DSCAML1: variants seen among roughly 807,000 people sequenced by gnomAD.
DSCAML1 encodes cell adhesion molecule DSCAML1.
DSCAML1 carries 38 observed loss-of-function variants against 200.5 expected under a neutral mutation model. That is an observed-to-expected ratio of 0.19 (90% confidence interval 0.15 to 0.25). The LOEUF (loss-of-function observed/expected upper bound fraction) is 0.25, where lower values mean the gene tolerates loss of function less well. DSCAML1 is among the 10% of genes least tolerant of loss of function. DSCAML1 has a pLI of 1.00. For synonymous variants in DSCAML1, 1,215 were observed against 1,165.0 expected (o/e 1.04, Z -0.87); for missense variants, 2,223 against 2,858.8 (o/e 0.78, Z 5.07).
intron 6 of DSCAML1, among the ~76,000 whole-genome samples, 189 bp downstream of exon 6, chr11:117,520,941 A>C (rs2049874549): frequency 6.6e-6 from 1 of 152,160 alleles, no homozygotes; most frequent in African/African-American, 2.4e-5. Context: ...AAAAAGGAAA[A>C]AAGATTAAAA....
At chr11:117,781,800 C>T (rs1338977085) in intron 1 of DSCAML1, among the ~76,000 whole-genome samples, 1 of 152,246 alleles carries the variant, frequency 6.6e-6, no homozygotes, top group Non-Finnish European at 1.5e-5. Context: ...CCCTCAACCA[C>T]ATGGGAGAAT....
chr11:117,520,854 A>G (rs937723981), intron 6 of DSCAML1, among the ~76,000 whole-genome samples: 3 of 152,106 alleles, frequency 2.0e-5, no homozygotes, highest in Non-Finnish European at 4.4e-5. Context: ...TGCTTGAGCC[A>G]GGGAGGTTGA....
At chr11:117,477,487 G>A (rs1003978214) in intron 14 of DSCAML1, among the ~76,000 whole-genome samples, 1 of 151,506 alleles carries the variant, frequency 6.6e-6, no homozygotes, top group African/African-American at 2.4e-5. Context: ...TCTACCACAT[G>A]GCTGGTGCAT....
intron 3 of DSCAML1, among the ~76,000 whole-genome samples, chr11:117,534,505 T>C (rs1347659469): frequency 6.6e-6 from 1 of 152,230 alleles, no homozygotes; most frequent in East Asian, 1.9e-4. Context: ...GGTGCCCCGC[T>C]GAACCAGCCG....
At chr11:117,632,481 GC>G (rs1447368706) in intron 3 of DSCAML1, among the ~76,000 whole-genome samples, 2 of 152,106 alleles carry the variant, frequency 1.3e-5, no homozygotes, top group African/African-American at 4.8e-5. Context: ...TGAGTTTCCT[GC>G]CCCTCCCACC....
Position 117,516,086 on chromosome 11 carries a change from C to T in DSCAML1, c.1783+381G>A, listed in dbSNP as rs1371131244. Reference sequence around the variant, plus strand: ...AACCCTGGCCTCCTGTTGCTTGTGGCCTCCTTGTGTGGGCCCGCTGAGCTC... The same window carrying T: ...AACCCTGGCCTCCTGTTGCTTGTGGTCTCCTTGTGTGGGCCCGCTGAGCTC... On this transcript the variant is annotated intron_variant, in intron 8 of 32. Transcript: ENST00000651296. The surrounding 1 kb of genome is among the most constrained non-coding windows in gnomAD (Gnocchi z 5.7). Among the ~76,000 whole-genome samples, 1 of 152,160 alleles carries T rather than the reference C, an allele frequency of 6.6e-6. No individual in the cohort carries two copies. Among genetic ancestry groups the T allele is most frequent in the Non-Finnish European group, 1.5e-5 (1 of 68,028 alleles).
chr11:117,428,193 G>C lies in DSCAML1; in HGVS notation c.*135C>G. 1.6e-6 allele frequency: 1 copy of C among 638,658 alleles called. No homozygotes were observed. The highest frequency in any genetic ancestry group is 2.8e-6 in the Non-Finnish European group (1 of 355,484). The allele number at this position is 638,658 out of a possible 1,614,324, so 39.6% of individuals were successfully genotyped here. ...AAGAGTTCTATGTACAGGCGTTCATGATTGGGGGTTTTTGTTTTGTCGTTG... is the reference window on the plus strand; with the variant it reads ...AAGAGTTCTATGTACAGGCGTTCATCATTGGGGGTTTTTGTTTTGTCGTTG... On this transcript the variant is annotated 3_prime_UTR_variant, in exon 33 of 33. Transcript: ENST00000651296.
In DSCAML1 at chr11:117,642,410, C is replaced by A. The variant is rs2052429753; in HGVS notation, c.512-109888G>T. On this transcript the variant is annotated intron_variant, in intron 3 of 32. Coordinates refer to ENST00000651296, the MANE Select transcript of DSCAML1 (RefSeq NM_020693.4). The surrounding 1 kb of genome is among the most constrained non-coding windows in gnomAD (Gnocchi z 4.1). ...GGTCTGTGTATAAGTCTGACACCCA[C>A]AGGTCACAGTCTGGAGGCACAGTCT... 6.6e-6 allele frequency among the ~76,000 whole-genome samples: 1 copy of A among 152,164 alleles called. No homozygotes were observed. The highest frequency in any genetic ancestry group is 2.4e-5 in the African/African-American group (1 of 41,428).
chr11:117,430,956 C>A lies in DSCAML1; in HGVS notation c.5452G>T (p.Ala1818Ser), dbSNP rs1193967907. Residue 1818 changes from alanine to serine, a missense_variant, in exon 32 of 33, where the codon GCC becomes TCC. Physicochemically the swap from Ala to Ser is moderately conservative, Grantham distance 99. This residue lies in a region of DSCAML1 where 96 missense variants were observed against 160.7 expected (regional missense o/e 0.60). Transcript: ENST00000651296. ...TGCTGCAGCTGCTCCTCCAGCTTGG[C>A]ATGCTCATAGGCCCGGGCCAGCTCC... is the stretch of plus-strand genomic sequence containing the variant. ...YEELARAYEH[A>S]KLEEQLQHAK... 17 of 1,614,050 alleles carry A rather than the reference C, an allele frequency of 1.1e-5. No homozygotes were observed. The highest frequency in any genetic ancestry group is 1.4e-5 in the Non-Finnish European group (17 of 1,180,042).
chr11:117,780,826 G>T lies in DSCAML1; in HGVS notation c.47-16C>A. ...TCAGGGCGGGCTGCAGGAGAGGCAA[G>T]GGGAGAGACTTGGTTAGCATGGGCT... is the stretch of plus-strand genomic sequence containing the variant. On this transcript the variant is annotated splice_polypyrimidine_tract_variant and intron_variant, in intron 1 of 32. Coordinates refer to ENST00000651296, the MANE Select transcript of DSCAML1 (RefSeq NM_020693.4). This position sits in a 1 kb window ranked among gnomAD's most constrained non-coding sequence, Gnocchi z 4.8. The T allele has an allele frequency of 7.1e-7, 1 of 1,416,102 alleles. No individual in the cohort carries two copies. Among genetic ancestry groups the T allele is most frequent in the Non-Finnish European group, 9.2e-7 (1 of 1,087,304 alleles). The allele number at this position is 1,416,102 out of a possible 1,614,324, so 87.7% of individuals were successfully genotyped here.
intron 1 of DSCAML1, among the ~76,000 whole-genome samples, chr11:117,793,621 C>G (rs899339685): frequency 6.6e-5 from 10 of 152,122 alleles, no homozygotes; most frequent in Admixed American, 6.6e-4. Context: ...TCCTAGCCAG[C>G]CTGTTTGGGG....
intron 3 of DSCAML1, among the ~76,000 whole-genome samples, chr11:117,676,708 G>T (rs2053221253): frequency 6.6e-6 from 1 of 152,264 alleles, no homozygotes; most frequent in African/African-American, 2.4e-5. Flanking sequence ...CCAGCAAGCA[G>T]TGTGGGTGGG....
chr11:117,553,471 A>G (rs149311895), intron 3 of DSCAML1, among the ~76,000 whole-genome samples: 80 of 152,328 alleles, frequency 5.3e-4, no homozygotes, highest in African/African-American at 1.8e-3. Context: ...AACATGGTCA[A>G]ACGACTTGAA....
At chr11:117,625,514 A>G (rs544506155) in intron 3 of DSCAML1, among the ~76,000 whole-genome samples, 1 of 152,256 alleles carries the variant, frequency 6.6e-6, no homozygotes, top group Non-Finnish European at 1.5e-5. Context: ...TTTAGAAAGG[A>G]GGAAACTGGG....
intron 3 of DSCAML1, among the ~76,000 whole-genome samples, chr11:117,672,863 G>C (rs17121072): frequency 6.6e-6 from 1 of 152,174 alleles, no homozygotes; most frequent in East Asian, 1.9e-4. Flanking sequence ...GGAGACAAAT[G>C]CCAATTGATT....
Position 117,480,360 on chromosome 11 carries a change from C to T in DSCAML1, c.2785+83G>A, listed in dbSNP as rs746040328. ...TGGGCAGCCCTAAGGCTCAGGGGCT[C>T]TCCTCCCAGAGGGCACAGGCAGGAC... On this transcript the variant is annotated intron_variant, in intron 14 of 32. Coordinates refer to ENST00000651296, the MANE Select transcript of DSCAML1 (RefSeq NM_020693.4). The surrounding 1 kb of genome is among the most constrained non-coding windows in gnomAD (Gnocchi z 4.1). 7.1e-5 allele frequency: 112 copies of T among 1,572,646 alleles called. No homozygotes were observed. Among genetic ancestry groups the T allele is most frequent in the Non-Finnish European group, 9.1e-5 (105 of 1,156,978 alleles).
In DSCAML1 at chr11:117,458,807, T is replaced by C; in HGVS notation, c.3515A>G (p.Gln1172Arg). Residue 1172 changes from glutamine to arginine, a missense_variant, in exon 19 of 33, where the codon CAG becomes CGG. Physicochemically the swap from Gln to Arg is conservative, Grantham distance 43. This residue lies in a region of DSCAML1 where 438 missense variants were observed against 629.7 expected (regional missense o/e 0.70). Transcript: ENST00000651296. ...NYSVQVLAYT[Q>R]AGDGVRSSVL... ...ACTGCTGCGTACGCCGTCCCCAGCCTGGGTGTAGGCCAGCACCTGGACGCT... is the reference window on the plus strand; with the variant it reads ...ACTGCTGCGTACGCCGTCCCCAGCCCGGGTGTAGGCCAGCACCTGGACGCT... 1 of 1,614,060 alleles carries C rather than the reference T, an allele frequency of 6.2e-7. No homozygotes were observed. Among genetic ancestry groups the C allele is most frequent in the Non-Finnish European group, 8.5e-7 (1 of 1,180,008 alleles).
chr11:117,732,255 T>A (rs193142443), intron 3 of DSCAML1, among the ~76,000 whole-genome samples: 14 of 152,328 alleles, frequency 9.2e-5, no homozygotes, highest in Admixed American at 3.9e-4. Flanking sequence ...GTATTATTAT[T>A]TTCCAGTTTA....
intron 11 of DSCAML1, among the ~76,000 whole-genome samples, chr11:117,494,158 A>G (rs1251642212): frequency 6.6e-6 from 1 of 152,196 alleles, no homozygotes; most frequent in African/African-American, 2.4e-5. Context: ...ACAGAAGGAG[A>G]TGCCATCTTC....
Sources: gnomAD v4.1 joint callset for allele counts (sites outside exome capture counted in the v4.1 genomes callset) on GRCh38, gnomAD v4.1.1 for gene constraint, gnomAD v4.1.1 regional missense constraint, Gnocchi (gnomAD v3.1) non-coding constraint, MANE v1.5 for transcripts, NCBI Gene and HGNC (gene_info 2026-07-23, HGNC 2026-07-21) for gene names.